Variants in ATP9A observed in about 807,000 individuals in gnomAD.
The protein encoded by ATP9A is ATPase phospholipid transporting 9A, also known as probable phospholipid-transporting ATPase IIA.
In ATP9A, 52 loss-of-function variants were observed where a neutral mutation model predicts 144.1. The ratio of observed to expected loss-of-function variants is 0.36; its 90% confidence interval spans 0.29 to 0.45. The LOEUF (loss-of-function observed/expected upper bound fraction) is 0.45, where lower values mean the gene tolerates loss of function less well. ATP9A is among the 20% of genes least tolerant of loss of function. The pLI, the probability that ATP9A is intolerant of heterozygous loss-of-function variation, is 1.00. For synonymous variants in ATP9A, 582 were observed against 557.4 expected (o/e 1.04, Z -0.62); for missense variants, 947 against 1,392.7 (o/e 0.68, Z 5.09).
intron 1 of ATP9A, among the ~76,000 whole-genome samples, chr20:51,757,220 G>A (rs987902469): frequency 4.6e-5 from 7 of 152,152 alleles, no homozygotes; most frequent in Admixed American, 2.0e-4. Flanking sequence ...GTTTCACCAT[G>A]TTGGCCAGGT....
intron 3 of ATP9A, among the ~76,000 whole-genome samples, chr20:51,724,971 A>G (rs1484435141): frequency 1.3e-5 from 2 of 152,198 alleles, no homozygotes; most frequent in Non-Finnish European, 2.9e-5. Flanking sequence ...AGATGTTTCC[A>G]GATTGGGGGA....
chr20:51,673,142 G>A (rs867944747), intron 11 of ATP9A, among the ~76,000 whole-genome samples: 1 of 152,134 alleles, frequency 6.6e-6, no homozygotes, highest in South Asian at 2.1e-4. Context: ...GGGAAGCTGA[G>A]GCGGGTGGAT....
intron 12 of ATP9A, among the ~76,000 whole-genome samples, chr20:51,670,728 T>C (rs2077452289): frequency 6.6e-6 from 1 of 152,178 alleles, no homozygotes; most frequent in East Asian, 1.9e-4. Context: ...TTAAGTTGTG[T>C]AGCAGTATCA....
rs1461224879 is a variant in ATP9A at position 51,622,091 on chromosome 20, T to C, written c.2098A>G (p.Ile700Val). 2 of 1,614,044 alleles carry C rather than the reference T, an allele frequency of 1.2e-6. No individual in the cohort carries two copies. The highest frequency in any genetic ancestry group is 8.5e-7 in the Non-Finnish European group (1 of 1,179,994). The change falls in exon 19 of 28, where the codon ATC (isoleucine) becomes GTC (valine). Residue 700 changes from isoleucine (I) to valine (V), a missense_variant. Coordinates refer to ENST00000338821, the MANE Select transcript of ATP9A (RefSeq NM_006045.3). ...NAHLVTRNQD[I>V]HVFRLVTNRG... ...CACTTTACCAGCCGAAAAACGTGGATGTCTTGGTTTCTGGTCACCAGATGT... is the reference window on the plus strand; with the variant it reads ...CACTTTACCAGCCGAAAAACGTGGACGTCTTGGTTTCTGGTCACCAGATGT...
chr20:51,691,406 T>G (rs1486902190), intron 7 of ATP9A, among the ~76,000 whole-genome samples: 1 of 152,160 alleles, frequency 6.6e-6, no homozygotes, highest in African/African-American at 2.4e-5. Flanking sequence ...GAGGTGAAGG[T>G]TGCAGTAAGC....
intron 15 of ATP9A, among the ~76,000 whole-genome samples, chr20:51,632,248 A>T (rs1389771480): frequency 6.6e-6 from 1 of 151,900 alleles, no homozygotes; most frequent in East Asian, 1.9e-4. Context: ...TGCCCAGCTA[A>T]TTTTTTTGCT....
chr20:51,662,998 A>C (rs573705974), intron 13 of ATP9A, among the ~76,000 whole-genome samples: 13 of 152,172 alleles, frequency 8.5e-5, no homozygotes, highest in African/African-American at 2.9e-4. Flanking sequence ...TGAACCCACG[A>C]GGCAGAGGTT....
At chr20:51,678,971 G>A (rs1045695148) in intron 9 of ATP9A, among the ~76,000 whole-genome samples, 1 of 152,062 alleles carries the variant, frequency 6.6e-6, no homozygotes, top group African/African-American at 2.4e-5. Context: ...TGGTCTGCAC[G>A]GTGCCTTCAA....
At chr20:51,763,824 G>T (rs2077892829) in intron 1 of ATP9A, among the ~76,000 whole-genome samples, 1 of 152,052 alleles carries the variant, frequency 6.6e-6, no homozygotes, top group Non-Finnish European at 1.5e-5. Flanking sequence ...TTACAATGAG[G>T]CAAAGTCTTG....
intron 1 of ATP9A, among the ~76,000 whole-genome samples, chr20:51,735,267 T>G (rs561983701): frequency 4.7e-4 from 72 of 152,218 alleles, no homozygotes; most frequent in Non-Finnish European, 1.0e-4. Context: ...AGCAAGGGGC[T>G]AAAAGGTGTG....
chr20:51,674,199 G>C lies in ATP9A; in HGVS notation c.991C>G (p.Gln331Glu). Residue 331 changes from glutamine to glutamate, a missense_variant, in exon 11 of 28, where the codon CAG becomes GAG. Physicochemically the swap from Gln to Glu is conservative, Grantham distance 29. This residue lies in a region of ATP9A where 770 missense variants were observed against 1,047.9 expected (regional missense o/e 0.73). Coordinates refer to ENST00000338821, the MANE Select transcript of ATP9A (RefSeq NM_006045.3). ...LQHFAGRWYL[Q>E]IIRFLLLFSN... Reference sequence around the variant, plus strand: ...AACAAGAGGAGGAAGCGGATGATCTGCAGGTACCAACGGCCTGCAAAGTGC... The same window carrying C: ...AACAAGAGGAGGAAGCGGATGATCTCCAGGTACCAACGGCCTGCAAAGTGC... 6.2e-7 allele frequency: 1 copy of C among 1,614,056 alleles called. No homozygotes were observed. Among genetic ancestry groups the C allele is most frequent in the Non-Finnish European group, 8.5e-7 (1 of 1,180,006 alleles).
At chr20:51,727,659 C>T (rs145788476) in intron 2 of ATP9A, among the ~76,000 whole-genome samples, 1 of 152,120 alleles carries the variant, frequency 6.6e-6, no homozygotes, top group Non-Finnish European at 1.5e-5. Context: ...TGGCCGCACA[C>T]AGTGGCTCAC....
In ATP9A at chr20:51,674,098, G is replaced by A. The variant is rs562648123; in HGVS notation, c.1037+55C>T. 1.9e-5 allele frequency: 29 copies of A among 1,540,548 alleles called. 1 individual carries two copies. The Admixed American group carries it at 3.9e-4, about 21-fold the overall frequency. On this transcript the variant is annotated intron_variant, in intron 11 of 27. Transcript: ENST00000338821. ...AGCCACAGAACCATCATCTTTGAAT[G>A]AGTAAAGAGAAGAAGATGTCACGGC...
intron 1 of ATP9A, among the ~76,000 whole-genome samples, chr20:51,756,744 C>T (rs928455713): frequency 1.3e-5 from 2 of 152,128 alleles, no homozygotes; most frequent in African/African-American, 2.4e-5. Flanking sequence ...CAGCTTCAAA[C>T]GTGAATTTGG....
intron 3 of ATP9A, among the ~76,000 whole-genome samples, chr20:51,722,330 A>G (rs2077693009): frequency 1.3e-5 from 2 of 152,252 alleles, no homozygotes; most frequent in Admixed American, 1.3e-4. Flanking sequence ...ATAAAAACAA[A>G]GATAAATAGT....
intron 14 of ATP9A, among the ~76,000 whole-genome samples, chr20:51,646,131 C>T (rs1341336295): frequency 1.3e-5 from 2 of 152,204 alleles, no homozygotes; most frequent in East Asian, 1.9e-4. Context: ...GAGCCCACAC[C>T]TTTCCCTGCC....
chr20:51,713,143 T>C (rs2077647335), intron 3 of ATP9A, 69 bp from the exon 4 acceptor site: 2 of 1,432,944 alleles, frequency 1.4e-6, no homozygotes, highest in East Asian at 2.5e-5. Context: ...CGTCCCCTCC[T>C]GGTGCCAGGG....
At chr20:51,703,474 A>G (rs1219379898) in intron 4 of ATP9A, among the ~76,000 whole-genome samples, 3 of 152,172 alleles carry the variant, frequency 2.0e-5, no homozygotes, top group Non-Finnish European at 4.4e-5. Context: ...TAATAAATCT[A>G]TCCCTTTCAG....
chr20:51,687,484 A>C (rs1359094445), intron 9 of ATP9A, among the ~76,000 whole-genome samples: 1 of 152,194 alleles, frequency 6.6e-6, no homozygotes, highest in African/African-American at 2.4e-5. Context: ...GCAACAAAGA[A>C]GGAAAAGGCA....
Sources: allele counts gnomAD v4.1 joint callset (sites outside exome capture counted in the v4.1 genomes callset), GRCh38; gene constraint gnomAD v4.1.1; regional missense constraint gnomAD v4.1.1; transcripts MANE v1.5; gene names NCBI Gene and HGNC (gene_info 2026-07-23, HGNC 2026-07-21).